TG: variants seen among roughly 807,000 people sequenced by gnomAD.
TG encodes the protein thyroid hormones.
TG carries 270 observed loss-of-function variants against 324.7 expected under a neutral mutation model. The observed-to-expected ratio is 0.83, with a 90% CI of 0.75 to 0.92. The LOEUF (loss-of-function observed/expected upper bound fraction) is 0.92, where lower values mean the gene tolerates loss of function less well. Among genes scored for constraint, TG ranks in the 40% least tolerant of loss-of-function variants. The pLI is 0.00. For synonymous variants in TG, 1,401 were observed against 1,327.0 expected (o/e 1.06, Z -1.21); for missense variants, 3,591 against 3,456.4 (o/e 1.04, Z -0.98).
intron 37 of TG, among the ~76,000 whole-genome samples, chr8:133,017,506 G>T (rs1166743455): frequency 6.6e-6 from 1 of 152,144 alleles, no homozygotes; most frequent in Non-Finnish European, 1.5e-5. Flanking sequence ...AAAGGGTCCT[G>T]GGCCTGGATC....
rs555500145 is a variant in TG, at chr8:133,028,658, G to A, written c.7037-1163G>A. Reference sequence around the variant, plus strand: ...CGTTTTACAGATGGGGAAAATCAAAGCACACGAACATGAACTTGTCCAGGG... The same window carrying A: ...CGTTTTACAGATGGGGAAAATCAAAACACACGAACATGAACTTGTCCAGGG... On this transcript the variant is annotated intron_variant, in intron 40 of 47. Transcript: ENST00000220616. Among the ~76,000 whole-genome samples the A allele has an allele frequency of 8.3e-4, 127 of 152,312 alleles. 2 individuals are homozygous for A. The highest frequency in any genetic ancestry group is 1.5e-3 in the East Asian group (8 of 5,188).
At chr8:132,896,987 C>T (rs575376004) in intron 11 of TG, among the ~76,000 whole-genome samples, 1 of 152,326 alleles carries the variant, frequency 6.6e-6, no homozygotes, top group African/African-American at 2.4e-5. Context: ...CGCTGAGCCT[C>T]TGTGTCCTCA....
intron 41 of TG, among the ~76,000 whole-genome samples, chr8:133,043,510 T>C (rs1838721087): frequency 6.6e-6 from 1 of 152,238 alleles, no homozygotes; most frequent in South Asian, 2.1e-4. Flanking sequence ...ATCTGCTATG[T>C]GACAGGCTAT....
chr8:133,096,224 C>G lies in TG; in HGVS notation c.7423C>G (p.Pro2475Ala). 6.2e-7 allele frequency: 1 copy of G among 1,614,188 alleles called. No homozygotes were observed. ...AQTKLLAVSG[P>A]FHYWGPVIDG... ...AATGCAGCTCCTGGCCGTGAGTGGC[C>G]CTTTCCACTACTGGGGTCCTGTGAT... Residue 2475 changes from proline (P) to alanine (A), a missense_variant, in exon 43 of 48, where the codon CCT (proline) becomes GCT (alanine). Pro to Ala is a conservative substitution (Grantham distance 27, BLOSUM62 -1). Transcript: ENST00000220616.
In TG at chr8:132,955,894, C is replaced by T. The variant is rs369759465; in HGVS notation, c.5402-5114C>T. On this transcript the variant is annotated intron_variant, in intron 27 of 47. Coordinates refer to ENST00000220616, the MANE Select transcript of TG (RefSeq NM_003235.5). ...ACCCAGCAATGCTGGAGAATGGGCT[C>T]TGTGCCCAGACCCTCAAGTTCTCAG... 2.4e-4 allele frequency among the ~76,000 whole-genome samples: 36 copies of T among 152,390 alleles called. 1 individual carries two copies. Among genetic ancestry groups the T allele is most frequent in the African/African-American group, 8.4e-4 (35 of 41,600 alleles).
chr8:132,897,920 C>A (rs983348226), intron 12 of TG, 134 bp downstream of exon 12: 2 of 1,113,338 alleles, frequency 1.8e-6, no homozygotes, highest in Non-Finnish European at 2.7e-6. Context: ...AATTCCTTAG[C>A]TTCTCGGGCC....
chr8:133,095,915 G>A (rs1848335165), intron 42 of TG, among the ~76,000 whole-genome samples: 1 of 152,168 alleles, frequency 6.6e-6, no homozygotes, highest in South Asian at 2.1e-4. Flanking sequence ...GTCTCCTCCT[G>A]CCTTCCTCAC....
intron 20 of TG, among the ~76,000 whole-genome samples, chr8:132,918,222 C>T (rs147266209): frequency 3.1e-4 from 47 of 152,208 alleles, no homozygotes; most frequent in Non-Finnish European, 5.1e-4. Context: ...GGATTTGCAG[C>T]GGAAGTTAAG....
At position 132,873,159 on chromosome 8, in the gene TG, C is replaced by T; in HGVS notation, c.576C>T (p.Val192=). Residue 192 remains valine, a synonymous_variant, in exon 5 of 48, where the codon GTC becomes GTT. Coordinates refer to ENST00000220616, the MANE Select transcript of TG (RefSeq NM_003235.5). ...CTGCGGAGGGAGAGTTTATGCCTGT[C>T]CAGTGCAAATTTGTCAACACCACAG... The part of the protein sequence containing the change: ...QCSAEGEFMP[V]QCKFVNTTDM... 1 of 1,614,102 alleles carries T rather than the reference C, an allele frequency of 6.2e-7. No homozygotes were observed. The highest frequency in any genetic ancestry group is 2.2e-5 in the East Asian group (1 of 44,884).
intron 22 of TG, among the ~76,000 whole-genome samples, chr8:132,925,552 T>TGTGTGTGTGTGTGTGTGTGTG (rs60544202): frequency 6.6e-6 from 1 of 151,372 alleles, no homozygotes; most frequent in African/African-American, 2.4e-5. Context: ...TGTGTGTGTG[T>TGTGTGTGTGTGTGTGTGTGTG]TCTTGAATAA....
rs1814852322 is a variant in TG, at chr8:132,882,878, C to G, written c.954C>G (p.Ser318Arg). 6.2e-7 allele frequency: 1 copy of G among 1,614,104 alleles called. No homozygotes were observed. Among genetic ancestry groups the G allele is most frequent in the Non-Finnish European group, 8.5e-7 (1 of 1,180,050 alleles). Residue 318 changes from serine to arginine, a missense_variant, in exon 8 of 48, where the codon AGC (serine) becomes AGG (arginine). By Grantham distance (110) the Ser-to-Arg change is moderately radical. Coordinates refer to ENST00000220616, the MANE Select transcript of TG (RefSeq NM_003235.5). The part of the protein sequence containing the change: ...ATSFGHPYVP[S>R]CRRNGDYQAV... ...GCTTTGGTCACCCCTATGTTCCAAG[C>G]TGCCGCCGAAATGGCGACTATCAGG...
intron 27 of TG, among the ~76,000 whole-genome samples, chr8:132,953,706 A>G (rs1363608033): frequency 6.6e-6 from 1 of 152,170 alleles, no homozygotes; most frequent in Non-Finnish European, 1.5e-5. Context: ...GCCATCAGCA[A>G]TGAGTGATGG....
At position 132,922,143 on chromosome 8, in the gene TG, G is replaced by A. The variant is rs958044920; in HGVS notation, c.4529-1195G>A. ...TCTGACAGAGAAAAGAAACGTGTGA[G>A]CATATCCATGTGATGTAATGAATAG... is the stretch of plus-strand genomic sequence containing the variant. On this transcript the variant is annotated intron_variant, in intron 21 of 47. Transcript: ENST00000220616. 3.3e-5 allele frequency among the ~76,000 whole-genome samples: 5 copies of A among 152,328 alleles called. No homozygotes were observed. In the Middle Eastern group the frequency reaches 0.014, roughly 414 times the overall value.
At chr8:133,103,535 A>T (rs906774842) in intron 43 of TG, among the ~76,000 whole-genome samples, 1 of 152,192 alleles carries the variant, frequency 6.6e-6, no homozygotes, top group Non-Finnish European at 1.5e-5. Context: ...GTATTTCATG[A>T]CTGCATTGTT....
In TG at chr8:132,967,845, C is replaced by T. The variant is rs1407563447; in HGVS notation, c.5738C>T (p.Ala1913Val). The T allele has an allele frequency of 1.9e-6, 3 of 1,613,934 alleles. No homozygotes were observed. The highest frequency in any genetic ancestry group is 1.7e-5 in the Admixed American group (1 of 60,000). ...CAGCTCGCAGAGATAACAGAGAGTG[C>T]ATCCTTGTACTTCACCTGCACCCTC... Reference protein sequence around the residue: ...FCQLAEITESASLYFTCTLYP... With the variant: ...FCQLAEITESVSLYFTCTLYP... Residue 1913 changes from alanine to valine, a missense_variant, in exon 31 of 48, where the codon GCA becomes GTA. By Grantham distance (64) the Ala-to-Val change is moderately conservative (BLOSUM62 0). Coordinates refer to ENST00000220616, the MANE Select transcript of TG (RefSeq NM_003235.5).
intron 7 of TG, 99 bp from the exon 8 acceptor site, chr8:132,882,715 C>T: frequency 1.2e-6 from 2 of 1,610,990 alleles, no homozygotes; most frequent in East Asian, 2.2e-5. Flanking sequence ...AAAGTGAGGG[C>T]AGAGATGAAA....
At chr8:132,907,220 G>A (rs951463333) in intron 17 of TG, among the ~76,000 whole-genome samples, 9 of 152,244 alleles carry the variant, frequency 5.9e-5, no homozygotes, top group Middle Eastern at 3.4e-3. Flanking sequence ...TGCTTCAACA[G>A]CTGGATAGGT....
intron 35 of TG, among the ~76,000 whole-genome samples, chr8:133,006,531 G>A (rs772004591): frequency 6.6e-6 from 1 of 152,212 alleles, no homozygotes; most frequent in Non-Finnish European, 1.5e-5. Flanking sequence ...TGGCTGTCAG[G>A]TACAGTCCTG....
Position 132,893,933 on chromosome 8 carries a change from A to C in TG, c.3001+4A>C. ...ATTCGCCTGGCGGCTCAGTCTAGTGAGTGTGGTGCCCTTCAGCTTTCTTAC... is the reference window on the plus strand; with the variant it reads ...ATTCGCCTGGCGGCTCAGTCTAGTGCGTGTGGTGCCCTTCAGCTTTCTTAC... On this transcript the variant is annotated splice_donor_region_variant and intron_variant, in intron 11 of 47. Transcript: ENST00000220616. The C allele has an allele frequency of 6.2e-7, 1 of 1,613,908 alleles. No individual in the cohort carries two copies. Among genetic ancestry groups the C allele is most frequent in the Non-Finnish European group, 8.5e-7 (1 of 1,179,918 alleles).
Sources: gnomAD v4.1 joint callset for allele counts (sites outside exome capture counted in the v4.1 genomes callset) on GRCh38, gnomAD v4.1.1 for gene constraint, MANE v1.5 for transcripts, NCBI Gene and HGNC (gene_info 2026-07-23, HGNC 2026-07-21) for gene names.